Variants in GATA4 observed in about 807,000 individuals in gnomAD.
GATA4 encodes the protein transcription factor GATA-4.
Under a neutral mutation model 37.9 loss-of-function variants are expected in GATA4, and 7 were observed. The ratio of observed to expected loss-of-function variants is 0.18; its 90% CI spans 0.11 to 0.35. The LOEUF is 0.35. GATA4 is among the 10% of genes least tolerant of loss of function. The probability of loss-of-function intolerance (pLI) is 1.00; values close to 1 mark genes in which losing one functional copy is unlikely to be tolerated. For missense variants in GATA4, 647 were observed against 653.0 expected, an observed-to-expected ratio of 0.99 and a Z score of 0.10; for synonymous variants, 372 against 292.6, an observed-to-expected ratio of 1.27 and a Z score of -2.77.
chr8:11,718,090 G>C (rs138249465), intron 2 of GATA4, among the ~76,000 whole-genome samples: 1 of 152,324 alleles, frequency 6.6e-6, no homozygotes, highest in African/African-American at 2.4e-5. Context: ...AGAGAAAGAA[G>C]AGGAGAAAAT....
At position 11,709,242 on chromosome 8, in the gene GATA4, G is replaced by T. The variant is rs911716127; in HGVS notation, c.616+314G>T. 5.3e-5 allele frequency among the ~76,000 whole-genome samples: 8 copies of T among 152,226 alleles called. No individual in the cohort carries two copies. The highest frequency in any genetic ancestry group is 8.8e-5 in the Non-Finnish European group (6 of 68,036). ...CGCTGCGCTGTGGGTGACGCGGGAG[G>T]ACAGCGGGCTCCCTGGAGAGCCGGG... On this transcript the variant is annotated intron_variant, in intron 2 of 6. Transcript: ENST00000532059. This position sits in a 1 kb window ranked among gnomAD's most constrained non-coding sequence, Gnocchi z 4.3.
upstream of GATA4, among the ~76,000 whole-genome samples, chr8:11,687,670 T>C (rs922167223): frequency 8.5e-5 from 13 of 152,176 alleles, no homozygotes; most frequent in Non-Finnish European, 1.8e-4. Context: ...AGTAACAGAA[T>C]TGAACTCAAA....
intron 1 of GATA4, among the ~76,000 whole-genome samples, chr8:11,687,525 C>G (rs1413390530): frequency 6.6e-6 from 1 of 152,156 alleles, no homozygotes; most frequent in African/African-American, 2.4e-5. Context: ...TGTGGTTTAT[C>G]AAAGTGGTAT....
intron 2 of GATA4, among the ~76,000 whole-genome samples, chr8:11,741,595 C>G (rs539134743): frequency 3.9e-5 from 6 of 152,260 alleles, no homozygotes; most frequent in Middle Eastern, 3.4e-3. Context: ...CAGAAGCATC[C>G]TACATTTCTC....
In GATA4 at chr8:11,748,421, C is replaced by A. The variant is rs537094942; in HGVS notation, c.617-495C>A. On this transcript the variant is annotated intron_variant, in intron 2 of 6. Transcript: ENST00000532059. ...AAAGAATAAAATAAATACAGTCTTA[C>A]AAAGGATACAATAGAACCAAATGCT... Among the ~76,000 whole-genome samples, 4 of 152,220 alleles carry A rather than the reference C, an allele frequency of 2.6e-5. No individual in the cohort carries two copies. In the East Asian group the frequency reaches 7.7e-4, roughly 29 times the overall value.
At chr8:11,693,254 C>T (rs1357793064) in intron 1 of GATA4, among the ~76,000 whole-genome samples, 1 of 152,104 alleles carries the variant, frequency 6.6e-6, no homozygotes, top group African/African-American at 2.4e-5. Flanking sequence ...TCGCTTGAGC[C>T]CAGCAGATAG....
chr8:11,690,160 G>T (rs1799264244), upstream of GATA4, among the ~76,000 whole-genome samples: 1 of 152,236 alleles, frequency 6.6e-6, no homozygotes, highest in South Asian at 2.1e-4. Context: ...GGAGGATGAA[G>T]GTGTGAAGAG....
intron 2 of GATA4, among the ~76,000 whole-genome samples, chr8:11,734,768 G>A (rs752803034): frequency 5.9e-5 from 9 of 152,196 alleles, no homozygotes; most frequent in South Asian, 4.1e-4. Flanking sequence ...GGGATTACAA[G>A]AGTGAGCCAC....
chr8:11,717,563 C>G (rs1487267025), intron 2 of GATA4, among the ~76,000 whole-genome samples: 1 of 152,128 alleles, frequency 6.6e-6, no homozygotes, highest in Non-Finnish European at 1.5e-5. Context: ...ATTGTACTTT[C>G]CCCCTTTCCC....
chr8:11,750,230 C>G lies in GATA4; in HGVS notation c.906C>G (p.Leu302=), dbSNP rs1289378857. 6.2e-7 allele frequency: 1 copy of G among 1,612,886 alleles called. No homozygotes were observed. Among genetic ancestry groups the G allele is most frequent in the Admixed American group, 1.7e-5 (1 of 60,036 alleles). ...VCNACGLYMK[L]HGVPRPLAMR... ...ATGCCTGCGGCCTCTACATGAAGCT[C>G]CACGGGGTACGTGGGTCCTGCGCCC... Residue 302 remains leucine (L), a synonymous_variant, in exon 4 of 7, where the codon CTC becomes CTG. Transcript: ENST00000532059.
chr8:11,703,642 T>G (rs954555543), upstream of GATA4, among the ~76,000 whole-genome samples: 5 of 152,194 alleles, frequency 3.3e-5, no homozygotes, highest in African/African-American at 1.2e-4. Context: ...CCCTGGGATT[T>G]TGGGAAGGCA....
At chr8:11,680,798 C>T in intron 1 of GATA4, 1 of 985,372 alleles carries the variant, frequency 1.0e-6, no homozygotes, top group Non-Finnish European at 1.2e-6. Flanking sequence ...GCCCCTCGCC[C>T]TGCTCACCCC....
At chr8:11,690,124 A>T (rs895212895), upstream of GATA4, among the ~76,000 whole-genome samples, 4 of 152,212 alleles carry the variant, frequency 2.6e-5, no homozygotes, top group African/African-American at 9.7e-5. Flanking sequence ...GGCCAAAGGT[A>T]CCTGGTGCCA....
upstream of GATA4, among the ~76,000 whole-genome samples, chr8:11,703,249 G>A (rs1799746476): frequency 6.6e-6 from 1 of 152,194 alleles, no homozygotes; most frequent in African/African-American, 2.4e-5. Context: ...GAAGGCTGCG[G>A]TAATCGATGG....
At chr8:11,681,824 C>T (rs1251638640) in intron 1 of GATA4, among the ~76,000 whole-genome samples, 2 of 152,078 alleles carry the variant, frequency 1.3e-5, no homozygotes, top group Non-Finnish European at 2.9e-5. Flanking sequence ...TGTTCTTGGC[C>T]GTGGGCAGAC....
chr8:11,692,583 G>A, upstream of GATA4: 3 of 985,336 alleles, frequency 3.0e-6, no homozygotes, highest in Non-Finnish European at 3.6e-6. Flanking sequence ...CGCCTGGGAG[G>A]GCGTGGCCCC....
chr8:11,691,368 A>T (rs1458063779), upstream of GATA4, among the ~76,000 whole-genome samples: 1 of 152,158 alleles, frequency 6.6e-6, no homozygotes, highest in East Asian at 1.9e-4. Context: ...TGGTGCCATC[A>T]CTGCTCACTG....
chr8:11,706,394 A>G (rs1799891789), intron 1 of GATA4, among the ~76,000 whole-genome samples: 1 of 152,208 alleles, frequency 6.6e-6, no homozygotes, highest in African/African-American at 2.4e-5. Context: ...AGTAATAGTC[A>G]ACTGTTATTT....
chr8:11,714,997 C>T (rs1800374670), intron 2 of GATA4, among the ~76,000 whole-genome samples: 1 of 152,158 alleles, frequency 6.6e-6, no homozygotes, highest in Non-Finnish European at 1.5e-5. Flanking sequence ...TTAATTTCAG[C>T]ATTGCTCGTA....
Sources: allele counts gnomAD v4.1 joint callset (sites outside exome capture counted in the v4.1 genomes callset), GRCh38; gene constraint gnomAD v4.1.1; non-coding constraint Gnocchi (gnomAD v3.1); transcripts MANE v1.5; gene names NCBI Gene and HGNC (gene_info 2026-07-23, HGNC 2026-07-21).